Variants in THBS2 observed in about 807,000 individuals in gnomAD.
The protein encoded by THBS2 is thrombospondin-2.
A neutral mutation model predicts 135.2 loss-of-function variants in THBS2; 47 were observed. The ratio of observed to expected loss-of-function variants is 0.35; its 90% CI spans 0.28 to 0.44. THBS2 has a LOEUF of 0.44. THBS2 is among the 20% of genes least tolerant of loss of function. The pLI is 1.00. For missense variants in THBS2, 1,288 were observed against 1,603.1 expected (o/e 0.80, Z 3.36); for synonymous variants, 639 against 633.8 (o/e 1.01, Z -0.12).
rs144458205 is a variant in THBS2, at chr6:169,248,506, C to T, written c.520G>A (p.Ala174Thr). The T allele has an allele frequency of 8.7e-6, 14 of 1,613,900 alleles. No individual in the cohort carries two copies. The highest frequency in any genetic ancestry group is 1.1e-5 in the Non-Finnish European group (13 of 1,180,050). The change falls in exon 3 of 22, where the codon GCT (alanine) becomes ACT (threonine). Residue 174 changes from alanine (A) to threonine (T), a missense_variant. Ala to Thr is a moderately conservative substitution (Grantham distance 58). Around this residue, in one of 2 missense-constraint regions of THBS2, gnomAD observed 414 missense variants for 447.0 expected, o/e 0.93. Transcript: ENST00000617924. ...HVGCDLIDSF[A>T]LDEPFYEHLQ... ...TGCTCGTAGAAGGGCTCGTCCAGAGCGAAGCTGTCTATGAGGTCGCAGCCC... is the reference window on the plus strand; with the variant it reads ...TGCTCGTAGAAGGGCTCGTCCAGAGTGAAGCTGTCTATGAGGTCGCAGCCC...
rs374296874 is a variant in THBS2 at position 169,246,211 on chromosome 6, T to C, written c.680A>G (p.Gln227Arg). 179 of 1,613,900 alleles carry C rather than the reference T, an allele frequency of 1.1e-4. No individual in the cohort carries two copies. The highest frequency in any genetic ancestry group is 1.5e-4 in the Non-Finnish European group (176 of 1,180,016). The change falls in exon 4 of 22, where the codon CAG becomes CGG. Residue 227 changes from glutamine to arginine, a missense_variant. Physicochemically the swap from Gln to Arg is conservative, Grantham distance 43. Transcript: ENST00000617924. ...AACACACCTACCTCCCTGGCCTTGC[T>C]GGCAACCCTTCTTGCTTAGAATATC... ...VEDILSKKGC[Q>R]QGQGAEINAI... is the part of the protein sequence containing the mutation.
intron 13 of THBS2, 81 bp downstream of exon 13, chr6:169,231,899 C>T: frequency 6.0e-6 from 9 of 1,504,896 alleles, no homozygotes; most frequent in African/African-American, 1.4e-5. Context: ...TGCCCCCGCC[C>T]CCCGTCCGCG....
chr6:169,220,289 G>C lies in THBS2; in HGVS notation c.3420C>G (p.Ile1140Met). 6.2e-7 allele frequency: 1 copy of C among 1,613,952 alleles called. No homozygotes were observed. Among genetic ancestry groups the C allele is most frequent in the Non-Finnish European group, 8.5e-7 (1 of 1,179,942 alleles). Reference sequence around the variant, plus strand: ...GCCCGCCAGCGTAGGTTTGGTCATAGATAGGTCCTGAGTCTGCCATGACCT... The same window carrying C: ...GCCCGCCAGCGTAGGTTTGGTCATACATAGGTCCTGAGTCTGCCATGACCT... ...GKQVMADSGP[I>M]YDQTYAGGRL... Residue 1140 changes from isoleucine to methionine, a missense_variant, in exon 21 of 22, where the codon ATC becomes ATG. Around this residue, in one of 2 missense-constraint regions of THBS2, gnomAD observed 874 missense variants for 1,156.1 expected, o/e 0.76. Transcript: ENST00000617924.
At chr6:169,233,176 A>G (rs1779911957) in intron 10 of THBS2, among the ~76,000 whole-genome samples, 159 bp from the exon 11 acceptor site, 1 of 152,148 alleles carries the variant, frequency 6.6e-6, no homozygotes. Context: ...AAGAGGCATC[A>G]TCTCCAAGAC....
intron 21 of THBS2, among the ~76,000 whole-genome samples, chr6:169,219,531 A>G (rs903175436): frequency 3.9e-5 from 6 of 152,154 alleles, no homozygotes; most frequent in Non-Finnish European, 7.4e-5. Context: ...AATCAACCCC[A>G]ACAGGGTTTT....
At chr6:169,236,675 C>T (rs1310872545) in intron 9 of THBS2, among the ~76,000 whole-genome samples, 1 of 146,754 alleles carries the variant, frequency 6.8e-6, no homozygotes, top group Non-Finnish European at 1.5e-5. Context: ...TCCACACTTA[C>T]TCCCCATCCA....
intron 3 of THBS2, among the ~76,000 whole-genome samples, chr6:169,247,726 A>C (rs1266949932): frequency 3.3e-5 from 5 of 151,680 alleles, no homozygotes; most frequent in Non-Finnish European, 2.9e-5. Context: ...TTGTGTGCAC[A>C]TGTGCATGCA....
intron 21 of THBS2, among the ~76,000 whole-genome samples, chr6:169,219,100 T>G (rs887610259): frequency 4.7e-5 from 7 of 149,676 alleles, no homozygotes; most frequent in African/African-American, 1.7e-4. Context: ...GGTGGATGGA[T>G]GGATGGATGA....
intron 4 of THBS2, among the ~76,000 whole-genome samples, chr6:169,245,708 C>T (rs182987382): frequency 1.7e-3 from 254 of 149,318 alleles, no homozygotes; most frequent in African/African-American, 6.0e-3. Flanking sequence ...AGAAGAGTGG[C>T]GTGAACCCAG....
Position 169,234,756 on chromosome 6 carries a change from G to A in THBS2, c.1629C>T (p.Cys543=). The A allele has an allele frequency of 6.3e-7, 1 of 1,590,870 alleles. No individual in the cohort carries two copies. The change falls in exon 10 of 22, where the codon TGC becomes TGT. Residue 543 remains cysteine, a synonymous_variant. Transcript: ENST00000617924. The part of the protein sequence containing the change: ...CVGDVQERQM[C]NKRSCPVDGC... ...CACCCACGGGGCAGCTCCTCTTGTTGCACATCTGACGCTCCTGCACATCCC... is the reference window on the plus strand; with the variant it reads ...CACCCACGGGGCAGCTCCTCTTGTTACACATCTGACGCTCCTGCACATCCC...
intron 21 of THBS2, among the ~76,000 whole-genome samples, chr6:169,218,793 G>GTGGATGAGA (rs145142705): frequency 0.39 from 51,254 of 130,194 alleles, 10,928 homozygotes; most frequent in African/African-American, 0.49. Context: ...GAGTGGGTTG[G>GTGGATGAGA]TGGATGAGAT....
At position 169,229,567 on chromosome 6, in the gene THBS2, C is replaced by T; in HGVS notation, c.2259+5G>A. 6.2e-7 allele frequency: 1 copy of T among 1,613,494 alleles called. No individual in the cohort carries two copies. The highest frequency in any genetic ancestry group is 2.2e-5 in the East Asian group (1 of 44,874). The stretch of plus-strand genomic sequence containing the variant: ...GGGCAGGTGCGCGGCACAAGCTGCT[C>T]CTACCTTCTCATCGGTCACACCGTC... On this transcript the variant is annotated splice_donor_5th_base_variant and intron_variant, in intron 14 of 21. Transcript: ENST00000617924.
At position 169,221,333 on chromosome 6, in the gene THBS2, T is replaced by TATGA; in HGVS notation, c.3371+96_3371+97insTCAT. On this transcript the variant is annotated intron_variant, in intron 20 of 21. Transcript: ENST00000617924. ...AAGAATCCAGAGTAAAACAAAAAGT[T>TATGA]AGAATTCACTTGAGCTTATTTGTCT... 2.7e-6 allele frequency: 3 copies of TATGA among 1,104,984 alleles called. No homozygotes were observed. The Admixed American group carries it at 5.6e-5, about 20-fold the overall frequency. The allele number at this position is 1,104,984 out of a possible 1,614,324, so 68.4% of individuals were successfully genotyped here. A position where few individuals can be genotyped will look rare whatever the true frequency, so the allele number is the denominator to read the frequency against.
intron 21 of THBS2, among the ~76,000 whole-genome samples, chr6:169,218,750 TG>T (rs1779294867): frequency 1.4e-5 from 1 of 71,720 alleles, no homozygotes. Context: ...GTGGATGAGA[TG>T]GATGGATGGG....
intron 3 of THBS2, among the ~76,000 whole-genome samples, chr6:169,247,706 T>G (rs1371525761): frequency 1.3e-5 from 2 of 151,990 alleles, no homozygotes; most frequent in Non-Finnish European, 2.9e-5. Flanking sequence ...GTATAAGTGC[T>G]TACATATGGT....
chr6:169,248,697 T>G lies in THBS2; in HGVS notation c.329A>C (p.Gln110Pro). 3.1e-6 allele frequency: 5 copies of G among 1,613,800 alleles called. No individual in the cohort carries two copies. Among genetic ancestry groups the G allele is most frequent in the Non-Finnish European group, 4.2e-6 (5 of 1,179,908 alleles). Residue 110 changes from glutamine to proline, a missense_variant, in exon 3 of 22, where the codon CAG becomes CCG. Transcript: ENST00000617924. Reference sequence around the variant, plus strand: ...GTTGGAGACGATCTCGAACTGCCTCTGGGAGAGACCGGGGCCCTCCAGAGC... The same window carrying G: ...GTTGGAGACGATCTCGAACTGCCTCGGGGAGAGACCGGGGCCCTCCAGAGC... ...LLALEGPGLS[Q>P]RQFEIVSNGP...
rs1207154281 is a variant in THBS2, at chr6:169,252,828, A to T, written c.-23+896T>A. The stretch of plus-strand genomic sequence containing the variant: ...TCGGTGCCTGTCTGCAGCAGAATGT[A>T]GTTTGAATTTGCAAAGGTCTTTTAA... On this transcript the variant is annotated intron_variant, in intron 1 of 21. Transcript: ENST00000617924. The surrounding 1 kb of genome is among the most constrained non-coding windows in gnomAD (Gnocchi z 4.3). Among the ~76,000 whole-genome samples the T allele has an allele frequency of 6.6e-6, 1 of 152,224 alleles. No individual in the cohort carries two copies. Among genetic ancestry groups the T allele is most frequent in the Non-Finnish European group, 1.5e-5 (1 of 68,042 alleles).
chr6:169,233,025 G>A lies in THBS2; in HGVS notation c.1652-8C>T. On this transcript the variant is annotated splice_region_variant and splice_polypyrimidine_tract_variant and intron_variant, in intron 10 of 21. Coordinates refer to ENST00000617924, the MANE Select transcript of THBS2 (RefSeq NM_003247.5). Reference sequence around the variant, plus strand: ...GGTTGGATAAACAGCCATCTGGGTGGGAGAAGGCGGAGCAGAGTTCACCAC... The same window carrying A: ...GGTTGGATAAACAGCCATCTGGGTGAGAGAAGGCGGAGCAGAGTTCACCAC... 1.3e-6 allele frequency: 2 copies of A among 1,531,758 alleles called. No homozygotes were observed. The highest frequency in any genetic ancestry group is 1.2e-5 in the South Asian group (1 of 82,998). The allele number at this position is 1,531,758 out of a possible 1,614,324, so 94.9% of individuals were successfully genotyped here.
In THBS2 at chr6:169,220,253, TAG is replaced by T; in HGVS notation, c.3454_3455del (p.Leu1152IlefsTer52). On this transcript the variant is annotated frameshift_variant, in exon 21 of 22. Coordinates refer to ENST00000617924, the MANE Select transcript of THBS2 (RefSeq NM_003247.5). LOFTEE classifies it high-confidence loss of function. ...AGACCATTTCTTGAGAGAAGACAAA[TAG>T]ACCCAGCCGCCCGCCAGCGTAGGTT... ...DQTYAGGRLG[L>X]FVFSQEMVYF... The T allele has an allele frequency of 6.2e-7, 1 of 1,613,862 alleles. No individual in the cohort carries two copies. Among genetic ancestry groups the T allele is most frequent in the Non-Finnish European group, 8.5e-7 (1 of 1,179,934 alleles).
Sources: allele counts gnomAD v4.1 joint callset (sites outside exome capture counted in the v4.1 genomes callset), GRCh38; gene constraint gnomAD v4.1.1; regional missense constraint gnomAD v4.1.1; non-coding constraint Gnocchi (gnomAD v3.1); transcripts MANE v1.5; gene names NCBI Gene and HGNC (gene_info 2026-07-23, HGNC 2026-07-21).